Variants in PGPEP1L observed in about 807,000 individuals in gnomAD.
The protein encoded by PGPEP1L is pyroglutamyl-peptidase I like.
PGPEP1L carries 7 observed loss-of-function variants against 6.0 expected under a neutral mutation model. The ratio of observed to expected loss-of-function variants is 1.17; its 90% CI spans 0.66 to 2.19. The LOEUF is 2.19. Ranked by LOEUF, PGPEP1L falls within the 30% of genes most tolerant of loss-of-function variation. The pLI is 0.00. For synonymous variants in PGPEP1L, 103 were observed against 83.9 expected (o/e 1.23, Z -1.24); for missense variants, 209 against 192.5 (o/e 1.09, Z -0.51).
chr15:98,978,246 C>T (rs2017597726), intron 2 of PGPEP1L, among the ~76,000 whole-genome samples: 1 of 152,186 alleles, frequency 6.6e-6, no homozygotes, highest in African/African-American at 2.4e-5. Flanking sequence ...TGTGTGTGAG[C>T]ACTAGGGCCC....
intron 3 of PGPEP1L, among the ~76,000 whole-genome samples, chr15:98,970,478 G>A (rs1048892964): frequency 5.9e-5 from 9 of 151,350 alleles, no homozygotes; most frequent in African/African-American, 2.2e-4. Context: ...CAAAACATCT[G>A]GGGCATTGTC....
intron 2 of PGPEP1L, among the ~76,000 whole-genome samples, chr15:98,972,790 G>A (rs1170138264): frequency 6.8e-6 from 1 of 146,348 alleles, no homozygotes; most frequent in Non-Finnish European, 1.5e-5. Flanking sequence ...AGAATGGTGT[G>A]AACCCAGGAG....
At chr15:99,006,778 A>G (rs1411894700) in intron 1 of PGPEP1L, among the ~76,000 whole-genome samples, 5 of 150,052 alleles carry the variant, frequency 3.3e-5, no homozygotes, top group African/African-American at 1.2e-4. Flanking sequence ...ACCCTGGGTG[A>G]CAGAGTGAGA....
intron 4 of PGPEP1L, 76 bp from the exon 5 acceptor site, chr15:98,968,773 T>C (rs2017444319): frequency 7.4e-7 from 1 of 1,356,358 alleles, no homozygotes; most frequent in Non-Finnish European, 1.0e-6. Flanking sequence ...GAAGTGGCAA[T>C]GCAACACCCA....
chr15:98,999,151 G>A (rs889119328), intron 2 of PGPEP1L, among the ~76,000 whole-genome samples: 1 of 152,182 alleles, frequency 6.6e-6, no homozygotes, highest in Non-Finnish European at 1.5e-5. Context: ...GTTAAGAGGA[G>A]GAAGAGATAA....
chr15:98,974,592 A>T (rs975871514), intron 2 of PGPEP1L, among the ~76,000 whole-genome samples: 1 of 151,978 alleles, frequency 6.6e-6, no homozygotes, highest in East Asian at 1.9e-4. Flanking sequence ...ATTCTACTCA[A>T]CTATTCTAAA....
chr15:98,982,291 G>A (rs2017675924), intron 2 of PGPEP1L, among the ~76,000 whole-genome samples: 1 of 152,128 alleles, frequency 6.6e-6, no homozygotes, highest in South Asian at 2.1e-4. Flanking sequence ...GCAGGCGACT[G>A]GGACTATGAG....
chr15:98,996,521 GGTATGTGT>G (rs782441733), intron 2 of PGPEP1L, among the ~76,000 whole-genome samples: 7 of 11,946 alleles, frequency 5.9e-4, no homozygotes, highest in Middle Eastern at 0.042. Flanking sequence ...TGTATATAGG[GGTATGTGT>G]GTGTGTGTGT....
intron 2 of PGPEP1L, among the ~76,000 whole-genome samples, chr15:98,980,611 G>T (rs1036003369): frequency 3.9e-5 from 6 of 152,230 alleles, no homozygotes; most frequent in Non-Finnish European, 7.3e-5. Flanking sequence ...CTTCCAAAGA[G>T]GACAGGATAG....
chr15:98,990,156 T>G (rs2017799894), intron 2 of PGPEP1L, among the ~76,000 whole-genome samples: 1 of 152,080 alleles, frequency 6.6e-6, no homozygotes, highest in Non-Finnish European at 1.5e-5. Flanking sequence ...GTAAATGGGC[T>G]AAATGCCCCA....
chr15:98,982,320 T>G (rs2017676360), intron 2 of PGPEP1L, among the ~76,000 whole-genome samples: 1 of 152,084 alleles, frequency 6.6e-6, no homozygotes, highest in African/African-American at 2.4e-5. Flanking sequence ...CTCTTTGCCA[T>G]GGACTCACAC....
At chr15:98,998,992 T>G (rs2151765454) in intron 2 of PGPEP1L, among the ~76,000 whole-genome samples, 1 of 151,088 alleles carries the variant, frequency 6.6e-6, no homozygotes, top group African/African-American at 2.5e-5. Context: ...AACAAAAAAC[T>G]AAGTTTTTTG....
At position 98,969,506 on chromosome 15, in the gene PGPEP1L, T is replaced by G; in HGVS notation, c.128A>C (p.Glu43Ala). 1 of 1,614,038 alleles carries G rather than the reference T, an allele frequency of 6.2e-7. No homozygotes were observed. The highest frequency in any genetic ancestry group is 8.5e-7 in the Non-Finnish European group (1 of 1,179,894). ...VCLPGSPDVLESGVCMKAVCK... is the reference protein window; with the variant it reads ...VCLPGSPDVLASGVCMKAVCK... Reference sequence around the variant, plus strand: ...GACTGCCTTCATGCAGACCCCTGACTCCAGCACGTCTGGGCTGCCAGGTAG... The same window carrying G: ...GACTGCCTTCATGCAGACCCCTGACGCCAGCACGTCTGGGCTGCCAGGTAG... Residue 43 changes from glutamate to alanine, a missense_variant, in exon 4 of 5, where the codon GAG (glutamate) becomes GCG (alanine). Coordinates refer to ENST00000535714, the MANE Select transcript of PGPEP1L (RefSeq NM_001167902.2).
At chr15:98,993,783 T>C (rs1018950365) in intron 2 of PGPEP1L, among the ~76,000 whole-genome samples, 2 of 151,654 alleles carry the variant, frequency 1.3e-5, no homozygotes, top group African/African-American at 4.8e-5. Context: ...GTAACAAACC[T>C]GCACGTTCTG....
At chr15:98,993,562 TAC>T (rs1308323241) in intron 2 of PGPEP1L, among the ~76,000 whole-genome samples, 4 of 145,922 alleles carry the variant, frequency 2.7e-5, no homozygotes, top group African/African-American at 7.6e-5. Flanking sequence ...GAACTAGAAA[TAC>T]ACAGATACAG....
At chr15:98,976,151 T>C (rs1252283790) in intron 2 of PGPEP1L, among the ~76,000 whole-genome samples, 1 of 152,186 alleles carries the variant, frequency 6.6e-6, no homozygotes, top group Non-Finnish European at 1.5e-5. Context: ...GTAATGATAG[T>C]TGTACAACAA....
chr15:98,979,184 G>A (rs2017619033), intron 2 of PGPEP1L, among the ~76,000 whole-genome samples: 1 of 152,040 alleles, frequency 6.6e-6, no homozygotes, highest in Non-Finnish European at 1.5e-5. Flanking sequence ...AGGATGTGAT[G>A]GATTTCATCA....
chr15:98,968,674 T>TA lies in PGPEP1L; in HGVS notation c.232dup (p.Tyr78LeufsTer73). On this transcript the variant is annotated frameshift_variant, in exon 5 of 5. Transcript: ENST00000535714. LOFTEE classifies it low-confidence loss of function (END_TRUNC). ...GCCCTTTCCATGATGCAGAGACAGG[T>TA]AATAGGTATAATCACAGACGTATCT... 1 of 1,575,708 alleles carries TA rather than the reference T, an allele frequency of 6.3e-7. No homozygotes were observed. The highest frequency in any genetic ancestry group is 8.6e-7 in the Non-Finnish European group (1 of 1,160,254).
intron 2 of PGPEP1L, among the ~76,000 whole-genome samples, chr15:98,993,203 C>A (rs1204006612): frequency 6.6e-6 from 1 of 152,108 alleles, no homozygotes; most frequent in Non-Finnish European, 1.5e-5. Context: ...TTGCAATCTA[C>A]CCACCTGACA....
Sources: gnomAD v4.1 joint callset for allele counts (sites outside exome capture counted in the v4.1 genomes callset) on GRCh38, gnomAD v4.1.1 for gene constraint, MANE v1.5 for transcripts, NCBI Gene and HGNC (gene_info 2026-07-23, HGNC 2026-07-21) for gene names.